SPARC: variants seen among roughly 807,000 people sequenced by gnomAD.
The protein encoded by SPARC is basement-membrane protein 40.
A neutral mutation model predicts 37.7 loss-of-function variants in SPARC; 23 were observed. The observed-to-expected ratio is 0.61, with a 90% confidence interval of 0.44 to 0.87. SPARC has a LOEUF of 0.87. SPARC is among the 40% of genes least tolerant of loss of function. SPARC has a pLI of 0.00. For synonymous variants in SPARC, 155 were observed against 150.8 expected (o/e 1.03, Z -0.20); for missense variants, 312 against 389.0 (o/e 0.80, Z 1.66).
intron 1 of SPARC, among the ~76,000 whole-genome samples, chr5:151,682,540 G>A (rs368818868): frequency 9.9e-5 from 15 of 152,066 alleles, no homozygotes; most frequent in African/African-American, 3.1e-4. Context: ...CTAATCAATC[G>A]CTTGACCTCT....
Position 151,666,516 on chromosome 5 carries a change from G to A in SPARC, c.586-7C>T. 6.2e-7 allele frequency: 1 copy of A among 1,613,150 alleles called. No individual in the cohort carries two copies. Among genetic ancestry groups the A allele is most frequent in the Non-Finnish European group, 8.5e-7 (1 of 1,179,484 alleles). ...TCTCATGGATCTTCTTCACCTGAGG[G>A]AGTAGAGACTGTGTGTGACAAGAGG... On this transcript the variant is annotated splice_polypyrimidine_tract_variant and splice_region_variant and intron_variant, in intron 7 of 9. Transcript: ENST00000231061.
At chr5:151,678,717 G>A (rs1259051822) in intron 1 of SPARC, among the ~76,000 whole-genome samples, 7 of 152,184 alleles carry the variant, frequency 4.6e-5, no homozygotes, top group Non-Finnish European at 1.0e-4. Flanking sequence ...GTGGGAGTGG[G>A]GGAGAAATGC....
intron 1 of SPARC, chr5:151,686,356 G>A (rs1478644370): frequency 2.0e-5 from 3 of 152,064 alleles, no homozygotes; most frequent in African/African-American, 7.2e-5. Flanking sequence ...TGGATTAATG[G>A]TGAAGCCTCC....
At chr5:151,666,217 G>A in intron 8 of SPARC, 144 bp downstream of exon 8, 1 of 731,778 alleles carries the variant, frequency 1.4e-6, no homozygotes, top group Non-Finnish European at 2.2e-6. Flanking sequence ...CTTTTCTCCA[G>A]ATGCCTCATC....
chr5:151,679,643 AT>A (rs1190002812), intron 1 of SPARC: 2 of 152,192 alleles, frequency 1.3e-5, no homozygotes, highest in African/African-American at 4.8e-5. Context: ...TTTTGCCTTT[AT>A]TTGCTCTGGA....
intron 6 of SPARC, among the ~76,000 whole-genome samples, chr5:151,668,763 GC>G (rs1332227878): frequency 2.6e-5 from 4 of 152,100 alleles, no homozygotes; most frequent in African/African-American, 9.7e-5. Flanking sequence ...TAGTCTTGCT[GC>G]CCAGGGACTT....
At chr5:151,674,536 C>G in intron 3 of SPARC, 76 bp downstream of exon 3, 1 of 1,393,096 alleles carries the variant, frequency 7.2e-7, no homozygotes, top group Non-Finnish European at 1.0e-6. Context: ...TTGAGACCCA[C>G]AGCATCCGCC....
chr5:151,669,912 A>G (rs1760712682), intron 5 of SPARC, 128 bp from the exon 6 acceptor site: 4 of 1,314,202 alleles, frequency 3.0e-6, no homozygotes, highest in Non-Finnish European at 4.3e-6. Flanking sequence ...CTGAGGTCAT[A>G]TAGTGAGTTA....
intron 5 of SPARC, among the ~76,000 whole-genome samples, chr5:151,670,545 G>A (rs540842563): frequency 7.2e-5 from 11 of 152,244 alleles, no homozygotes; most frequent in East Asian, 1.9e-4. Flanking sequence ...TTTCCCTTAC[G>A]ATCCAGCTGT....
chr5:151,676,719 C>T lies in SPARC; in HGVS notation c.-13-518G>A, dbSNP rs926111526. On this transcript the variant is annotated intron_variant, in intron 1 of 9. Coordinates refer to ENST00000231061, the MANE Select transcript of SPARC (RefSeq NM_003118.4). ...AGATCATCTTCAAGGTCCCTTCAAT[C>T]CCTGATATTCTAAAATTATTTTTTT... 2.0e-5 allele frequency among the ~76,000 whole-genome samples: 3 copies of T among 152,168 alleles called. No homozygotes were observed. In the East Asian group the frequency reaches 5.8e-4, roughly 29 times the overall value.
intron 1 of SPARC, among the ~76,000 whole-genome samples, chr5:151,681,933 T>C (rs952849386): frequency 3.3e-5 from 5 of 151,902 alleles, no homozygotes; most frequent in African/African-American, 1.2e-4. Context: ...AAAAGTGGAG[T>C]GGAGCTGAGG....
At chr5:151,677,357 A>G (rs966619931) in intron 1 of SPARC, among the ~76,000 whole-genome samples, 1 of 152,146 alleles carries the variant, frequency 6.6e-6, no homozygotes, top group African/African-American at 2.4e-5. Flanking sequence ...ATAACCTTCC[A>G]TCAGGAGCAA....
rs185986614 is a variant in SPARC, at chr5:151,665,356, C to T, written c.734+1005G>A. Among the ~76,000 whole-genome samples the T allele has an allele frequency of 1.6e-3, 248 of 152,314 alleles. 1 individual carries two copies. The highest frequency in any genetic ancestry group is 5.7e-3 in the African/African-American group (239 of 41,568). ...CATAATGAGTGACTCAGTTGGATCCCAGCCATGGCAAAAGCCTGGGAGAGA... is the reference window on the plus strand; with the variant it reads ...CATAATGAGTGACTCAGTTGGATCCTAGCCATGGCAAAAGCCTGGGAGAGA... On this transcript the variant is annotated intron_variant, in intron 8 of 9. Transcript: ENST00000231061.
chr5:151,668,067 T>C (rs1486000000), intron 6 of SPARC, among the ~76,000 whole-genome samples: 1 of 152,244 alleles, frequency 6.6e-6, no homozygotes, highest in Non-Finnish European at 1.5e-5. Context: ...ACCTGGTCTT[T>C]GGAACTTAGA....
chr5:151,667,569 G>C lies in SPARC; in HGVS notation c.483C>G (p.Thr161=), dbSNP rs376445735. Residue 161 remains threonine (T), a synonymous_variant, in exon 7 of 10, where the codon ACC becomes ACG. Coordinates refer to ENST00000231061, the MANE Select transcript of SPARC (RefSeq NM_003118.4). Reference sequence around the variant, plus strand: ...AGTCCCGCATGCGCAGGGGGAATTCGGTCAGCTCAGAGTCCAGGCAAGGGG... The same window carrying C: ...AGTCCCGCATGCGCAGGGGGAATTCCGTCAGCTCAGAGTCCAGGCAAGGGG... ...YIPPCLDSEL[T]EFPLRMRDWL... is the part of the protein sequence containing the mutation. The C allele has an allele frequency of 2.6e-4, 427 of 1,614,142 alleles. No individual in the cohort carries two copies. The highest frequency in any genetic ancestry group is 1.3e-3 in the Admixed American group (78 of 60,022).
At chr5:151,685,745 T>C (rs2113127471) in intron 1 of SPARC, 1 of 152,322 alleles carries the variant, frequency 6.6e-6, no homozygotes, top group Non-Finnish European at 1.5e-5. Context: ...TCTAAAGCAT[T>C]ACTAGAGAAA....
intron 1 of SPARC, among the ~76,000 whole-genome samples, chr5:151,685,416 T>C (rs1196404755): frequency 5.5e-5 from 3 of 54,410 alleles, no homozygotes; most frequent in South Asian, 6.4e-4. Context: ...TCTCTCCCTC[T>C]CTCTCTCACA....
chr5:151,685,312 C>T (rs1029629366), intron 1 of SPARC: 3 of 152,062 alleles, frequency 2.0e-5, no homozygotes, highest in Non-Finnish European at 4.4e-5. Flanking sequence ...TGTTACCAGT[C>T]CTCACTCCAT....
chr5:151,666,534 A>G (rs1760626226), intron 7 of SPARC, 25 bp from the exon 8 acceptor site: 1 of 1,610,116 alleles, frequency 6.2e-7, no homozygotes, highest in Non-Finnish European at 8.5e-7. Flanking sequence ...ACTGTGTGTG[A>G]CAAGAGGTCC....
Sources: gnomAD v4.1 joint callset for allele counts (sites outside exome capture counted in the v4.1 genomes callset) on GRCh38, gnomAD v4.1.1 for gene constraint, MANE v1.5 for transcripts, NCBI Gene and HGNC (gene_info 2026-07-23, HGNC 2026-07-21) for gene names.